Variants in HDAC9 observed in about 807,000 individuals in gnomAD.
HDAC9 encodes the protein histone deacetylase 9.
Under a neutral mutation model 139.4 loss-of-function variants are expected in HDAC9, and 41 were observed. The ratio of observed to expected loss-of-function variants is 0.29; its 90% CI spans 0.23 to 0.38. The LOEUF (loss-of-function observed/expected upper bound fraction) is 0.38. Ranked by LOEUF, HDAC9 falls within the 10% of genes least tolerant of loss-of-function variation. The pLI is 1.00. For synonymous variants in HDAC9, 517 were observed against 476.2 expected, an observed-to-expected ratio of 1.09 and a Z score of -1.12; for missense variants, 1,147 against 1,297.0, an observed-to-expected ratio of 0.88 and a Z score of 1.78.
intron 1 of HDAC9, among the ~76,000 whole-genome samples, chr7:18,369,319 A>T (rs1236328359): frequency 6.6e-6 from 1 of 152,106 alleles, no homozygotes; most frequent in Non-Finnish European, 1.5e-5. Flanking sequence ...CAAATTCAAG[A>T]AAAAAGAAAT....
chr7:18,918,283 G>C (rs1803387714), intron 22 of HDAC9, among the ~76,000 whole-genome samples: 1 of 151,650 alleles, frequency 6.6e-6, no homozygotes, highest in African/African-American at 2.4e-5. Context: ...TCTCTGAGGA[G>C]TACCCATGTT....
At chr7:18,214,792 T>C (rs2128171031) in intron 2 of HDAC9, among the ~76,000 whole-genome samples, 1 of 152,266 alleles carries the variant, frequency 6.6e-6, no homozygotes, top group Non-Finnish European at 1.5e-5. Flanking sequence ...GCAAATTCTG[T>C]CATAGGTAGC....
At position 18,667,478 on chromosome 7, in the gene HDAC9, C is replaced by CA. The variant is rs550099867; in HGVS notation, c.1731+1009dup. ...TAACAATTAGAAAAGATAGGTTTAA[C>CA]AAAAAAATTTACTTGTATATAATGC... On this transcript the variant is annotated intron_variant, in intron 12 of 25. Transcript: ENST00000686413. 2.2e-4 allele frequency: 217 copies of CA among 984,362 alleles called. 1 individual carries two copies. In the East Asian group the frequency reaches 8.8e-3, roughly 40 times the overall value. 61.0% of individuals were successfully genotyped at this position (984,362 alleles called of 1,614,324 possible). A position where few individuals can be genotyped will look rare whatever the true frequency, so the allele number is the denominator to read the frequency against.
chr7:18,251,540 C>CA (rs907934586), intron 2 of HDAC9, among the ~76,000 whole-genome samples: 2 of 151,776 alleles, frequency 1.3e-5, no homozygotes, highest in Admixed American at 1.3e-4. Flanking sequence ...GAAAAAAATA[C>CA]AAAAAAAATT....
intron 21 of HDAC9, among the ~76,000 whole-genome samples, chr7:18,870,908 C>T (rs1459238089): frequency 3.3e-5 from 5 of 152,160 alleles, no homozygotes; most frequent in Admixed American, 3.3e-4. Flanking sequence ...AGCAATTCTC[C>T]TGCCTTGGCT....
intron 2 of HDAC9, among the ~76,000 whole-genome samples, chr7:18,563,733 C>CA (rs1821355837): frequency 2.6e-5 from 4 of 151,918 alleles, no homozygotes; most frequent in African/African-American, 7.3e-5. Context: ...CAACCCCCCC[C>CA]ATGAACTTAG....
chr7:18,117,096 G>A (rs1409008176), intron 1 of HDAC9, among the ~76,000 whole-genome samples: 1 of 152,050 alleles, frequency 6.6e-6, no homozygotes, highest in African/African-American at 2.4e-5. Flanking sequence ...GTTGTAGTGG[G>A]TTGAATTGTT....
chr7:18,530,048 A>G (rs924230336), intron 2 of HDAC9, among the ~76,000 whole-genome samples: 1 of 152,008 alleles, frequency 6.6e-6, no homozygotes, highest in Non-Finnish European at 1.5e-5. Context: ...TGGCAGGAGG[A>G]TCACTTGAAC....
At chr7:18,528,854 T>C (rs925181934) in intron 2 of HDAC9, among the ~76,000 whole-genome samples, 1 of 152,138 alleles carries the variant, frequency 6.6e-6, no homozygotes, top group African/African-American at 2.4e-5. Flanking sequence ...ACTTTAACAA[T>C]TTCCTGCCCA....
At chr7:18,416,275 A>ATT (rs1195037702) in intron 1 of HDAC9, among the ~76,000 whole-genome samples, 1 of 152,118 alleles carries the variant, frequency 6.6e-6, no homozygotes, top group Non-Finnish European at 1.5e-5. Context: ...CAGCCTGGGC[A>ATT]ACAAGAGCAA....
intron 24 of HDAC9, among the ~76,000 whole-genome samples, chr7:18,968,261 A>T (rs17140423): frequency 6.6e-6 from 1 of 151,998 alleles, no homozygotes; most frequent in Non-Finnish European, 1.5e-5. Context: ...TTGAACATCT[A>T]TAGTAATATT....
intron 2 of HDAC9, among the ~76,000 whole-genome samples, chr7:18,280,772 AAAT>A (rs1797055179): frequency 7.0e-6 from 1 of 142,016 alleles, no homozygotes; most frequent in African/African-American, 2.6e-5. Flanking sequence ...CAAAAAAAAT[AAAT>A]AAATAAATAA....
At chr7:18,991,247 T>C (rs1327671490) in intron 25 of HDAC9, among the ~76,000 whole-genome samples, 1 of 151,696 alleles carries the variant, frequency 6.6e-6, no homozygotes, top group Admixed American at 6.6e-5. Context: ...AAAAGAAAAA[T>C]GAATGAGGAA....
intron 25 of HDAC9, among the ~76,000 whole-genome samples, chr7:18,989,018 A>T (rs1230323616): frequency 9.9e-6 from 1 of 101,390 alleles, no homozygotes. Context: ...TCTCTATCCA[A>T]TTTGCCAGTC....
chr7:18,193,594 A>C (rs547983643), intron 2 of HDAC9, among the ~76,000 whole-genome samples: 2 of 152,300 alleles, frequency 1.3e-5, no homozygotes, highest in South Asian at 4.1e-4. Context: ...TAATATCTTG[A>C]ACTCCACCTT....
intron 21 of HDAC9, among the ~76,000 whole-genome samples, chr7:18,842,425 C>G (rs771714584): frequency 1.7e-4 from 26 of 151,990 alleles, no homozygotes; most frequent in Non-Finnish European, 3.2e-4. Context: ...ACTTGTCAAT[C>G]AATCTTAGTA....
At chr7:18,246,342 A>G (rs1794523788) in intron 2 of HDAC9, among the ~76,000 whole-genome samples, 1 of 151,618 alleles carries the variant, frequency 6.6e-6, no homozygotes, top group Non-Finnish European at 1.5e-5. Context: ...TCTGCTTGGC[A>G]TTTTTACTTT....
intron 2 of HDAC9, among the ~76,000 whole-genome samples, chr7:18,187,132 G>C (rs895225439): frequency 6.6e-6 from 1 of 152,152 alleles, no homozygotes; most frequent in Non-Finnish European, 1.5e-5. Context: ...TATGTCCCTG[G>C]AATGGGTTTA....
chr7:18,242,791 C>G (rs928889819), intron 2 of HDAC9, among the ~76,000 whole-genome samples: 2 of 152,084 alleles, frequency 1.3e-5, no homozygotes, highest in Admixed American at 6.6e-5. Context: ...GTTCCTTAGT[C>G]TCTACAATTC....
Sources: gnomAD v4.1 joint callset for allele counts (sites outside exome capture counted in the v4.1 genomes callset) on GRCh38, gnomAD v4.1.1 for gene constraint, MANE v1.5 for transcripts, NCBI Gene and HGNC (gene_info 2026-07-23, HGNC 2026-07-21) for gene names.